CDK19: variants seen among roughly 807,000 people sequenced by gnomAD.
CDK19 encodes the protein cyclin dependent kinase 19.
In CDK19, 20 loss-of-function variants were observed where a neutral mutation model predicts 68.3. That is an observed-to-expected ratio of 0.29 (90% CI 0.21 to 0.43). CDK19 has a LOEUF of 0.43. Ranked by LOEUF, CDK19 falls within the 20% of genes least tolerant of loss-of-function variation. The probability of loss-of-function intolerance (pLI) is 1.00; values close to 1 mark genes in which losing one functional copy is unlikely to be tolerated. For missense variants in CDK19, 339 were observed against 623.5 expected, an observed-to-expected ratio of 0.54 and a Z score of 4.86; for synonymous variants, 221 against 222.8, an observed-to-expected ratio of 0.99 and a Z score of 0.07.
intron 1 of CDK19, among the ~76,000 whole-genome samples, chr6:110,759,450 T>TATATATAA (rs1316358539): frequency 2.8e-4 from 32 of 114,298 alleles, no homozygotes; most frequent in African/African-American, 1.0e-3. Flanking sequence ...TATATATATA[T>TATATATAA]AAATTAGCCA....
chr6:110,725,385 C>A (rs1230107466), intron 2 of CDK19, among the ~76,000 whole-genome samples: 3 of 151,734 alleles, frequency 2.0e-5, no homozygotes, highest in Admixed American at 2.0e-4. Context: ...TTCCCTAAAC[C>A]CTCTCAGAAA....
intron 2 of CDK19, among the ~76,000 whole-genome samples, chr6:110,680,155 AAAGG>A (rs1330273978): frequency 6.6e-6 from 1 of 152,250 alleles, no homozygotes; most frequent in African/African-American, 2.4e-5. Context: ...TTAGGCTTAA[AAAGG>A]AAGACTTCTT....
At chr6:110,736,259 T>G (rs1777246462) in intron 2 of CDK19, among the ~76,000 whole-genome samples, 1 of 152,158 alleles carries the variant, frequency 6.6e-6, no homozygotes, top group Admixed American at 6.5e-5. Flanking sequence ...GAGAATCGCT[T>G]GAATCCAGGA....
rs1443497962 is a variant in CDK19 at position 110,773,337 on chromosome 6, C to T, written c.129-27136G>A. Among the ~76,000 whole-genome samples, 3 of 148,030 alleles carry T rather than the reference C, an allele frequency of 2.0e-5. No homozygotes were observed. In the Admixed American group the frequency reaches 2.0e-4, roughly 10 times the overall value. Reference sequence around the variant, plus strand: ...TCCAGCCTGGCAACAGAGCAAGACTCTGTCTCAAAAAAAAAAAAAAAACAA... The same window carrying T: ...TCCAGCCTGGCAACAGAGCAAGACTTTGTCTCAAAAAAAAAAAAAAAACAA... On this transcript the variant is annotated intron_variant, in intron 1 of 12. Transcript: ENST00000368911.
chr6:110,779,176 T>C (rs1780623040), intron 1 of CDK19, among the ~76,000 whole-genome samples: 1 of 152,176 alleles, frequency 6.6e-6, no homozygotes, highest in Non-Finnish European at 1.5e-5. Flanking sequence ...CTTTGACCTC[T>C]GCTTGTATCT....
rs72952040 is a variant in CDK19 at position 110,766,355 on chromosome 6, A to G, written c.129-20154T>C. Among the ~76,000 whole-genome samples the G allele has an allele frequency of 1.9e-3, 292 of 151,950 alleles. 3 individuals are homozygous for G. Among genetic ancestry groups the G allele is most frequent in the Non-Finnish European group, 3.0e-3 (206 of 67,932 alleles). ...TTTGGGAGGCCAAGGCAGACGGATC[A>G]CTTGACATCAGGGGTGCAGGACCAC... On this transcript the variant is annotated intron_variant, in intron 1 of 12. Coordinates refer to ENST00000368911, the MANE Select transcript of CDK19 (RefSeq NM_015076.5).
Position 110,735,207 on chromosome 6 carries a change from A to AAG in CDK19, c.204+10918_204+10919insCT, listed in dbSNP as rs201992871. 8.6e-3 allele frequency among the ~76,000 whole-genome samples: 1,306 copies of AAG among 152,072 alleles called. 16 individuals are homozygous for AAG. Among genetic ancestry groups the AAG allele is most frequent in the African/African-American group, 0.03 (1,235 of 41,490 alleles). ...AGCGATCCTCTTGCCTCAGCCTCCC[A>AAG]AAGTGCTGGGTTTACAGGCATCAGC... On this transcript the variant is annotated intron_variant, in intron 2 of 12. Transcript: ENST00000368911.
chr6:110,670,554 G>A lies in CDK19; in HGVS notation c.205-13C>T, dbSNP rs761264542. 1.4e-6 allele frequency: 2 copies of A among 1,438,940 alleles called. No individual in the cohort carries two copies. Among genetic ancestry groups the A allele is most frequent in the East Asian group, 2.3e-5 (1 of 44,030 alleles). The allele number at this position is 1,438,940 out of a possible 1,614,324, so 89.1% of individuals were successfully genotyped here. On this transcript the variant is annotated splice_polypyrimidine_tract_variant and intron_variant, in intron 2 of 12. Transcript: ENST00000368911. ...ATTCTCGCAAAAGCTGAATGCAAAA[G>A]AAAGAGAGGGGTCACTGTTGTGTTA... is the stretch of plus-strand genomic sequence containing the variant.
chr6:110,649,362 A>G (rs890560802), intron 4 of CDK19, among the ~76,000 whole-genome samples: 33 of 152,172 alleles, frequency 2.2e-4, no homozygotes, highest in African/African-American at 8.0e-4. Context: ...AAACACATCA[A>G]TTTTAGGCAG....
chr6:110,780,380 C>A (rs1270336805), intron 1 of CDK19, among the ~76,000 whole-genome samples: 1 of 138,664 alleles, frequency 7.2e-6, no homozygotes, highest in African/African-American at 2.8e-5. Context: ...CAGAGTGACA[C>A]TCTGTCTCAA....
At chr6:110,623,686 A>G (rs1044486977) in intron 8 of CDK19, among the ~76,000 whole-genome samples, 1 of 151,184 alleles carries the variant, frequency 6.6e-6, no homozygotes, top group Non-Finnish European at 1.5e-5. Context: ...TTGTACATGT[A>G]TATCAGGATA....
intron 1 of CDK19, among the ~76,000 whole-genome samples, chr6:110,809,332 C>G (rs1027465408): frequency 3.3e-5 from 5 of 151,786 alleles, no homozygotes; most frequent in Non-Finnish European, 5.9e-5. Context: ...CTGGGCAACA[C>G]AGTGAACACA....
chr6:110,625,822 T>C (rs1779054818), intron 8 of CDK19, among the ~76,000 whole-genome samples: 1 of 152,152 alleles, frequency 6.6e-6, no homozygotes, highest in Non-Finnish European at 1.5e-5. Context: ...TTAGAAATGA[T>C]CAATGCCATT....
At chr6:110,666,717 G>A (rs72946130) in intron 4 of CDK19, among the ~76,000 whole-genome samples, 2 of 152,214 alleles carry the variant, frequency 1.3e-5, no homozygotes, top group African/African-American at 2.4e-5. Context: ...ATGAAATCAC[G>A]TTGTGGGGCC....
At chr6:110,784,115 C>T (rs1421599829) in intron 1 of CDK19, among the ~76,000 whole-genome samples, 1 of 139,830 alleles carries the variant, frequency 7.2e-6, no homozygotes, top group Non-Finnish European at 1.5e-5. Flanking sequence ...ACCAAGATCA[C>T]ACCACTGCAT....
intron 12 of CDK19, among the ~76,000 whole-genome samples, chr6:110,620,795 C>T (rs1778661984): frequency 6.6e-6 from 1 of 152,112 alleles, no homozygotes; most frequent in Non-Finnish European, 1.5e-5. Context: ...TGCGTATCTA[C>T]GTATCTTTTT....
intron 4 of CDK19, among the ~76,000 whole-genome samples, chr6:110,647,549 A>G (rs1369018850): frequency 6.6e-6 from 1 of 152,220 alleles, no homozygotes; most frequent in Non-Finnish European, 1.5e-5. Flanking sequence ...CTTCATATCT[A>G]TTAATTTGAA....
intron 4 of CDK19, among the ~76,000 whole-genome samples, chr6:110,639,086 A>G (rs1228444911): frequency 6.6e-6 from 1 of 152,250 alleles, no homozygotes; most frequent in Non-Finnish European, 1.5e-5. Context: ...CTTCATATGA[A>G]TAAGTTGAAT....
In CDK19 at chr6:110,815,329, T is replaced by G. The variant is rs1783555078; in HGVS notation, c.-193A>C. ...CTCGGCGGCCACAGCAGCCACCTCC[T>G]CCACCTCTTCCTCCTCCTCCTCCGC... is the stretch of plus-strand genomic sequence containing the variant. On this transcript the variant is annotated 5_prime_UTR_variant, in exon 1 of 13. Coordinates refer to ENST00000368911, the MANE Select transcript of CDK19 (RefSeq NM_015076.5). The G allele has an allele frequency of 4.4e-6, 2 of 459,084 alleles. No homozygotes were observed. The highest frequency in any genetic ancestry group is 2.1e-5 in the African/African-American group (1 of 47,684). The allele number at this position is 459,084 out of a possible 1,614,324, so 28.4% of individuals were successfully genotyped here. A position where few individuals can be genotyped will look rare whatever the true frequency, so the allele number is the denominator to read the frequency against.
Sources: allele counts gnomAD v4.1 joint callset (sites outside exome capture counted in the v4.1 genomes callset), GRCh38; gene constraint gnomAD v4.1.1; transcripts MANE v1.5; gene names NCBI Gene and HGNC (gene_info 2026-07-23, HGNC 2026-07-21).